Variants in TRAM2 observed in about 807,000 individuals in gnomAD.
TRAM2 encodes translocation associated membrane protein 2.
Under a neutral mutation model 51.0 loss-of-function variants are expected in TRAM2, and 12 were observed. That is an observed-to-expected ratio of 0.24 (90% confidence interval 0.15 to 0.38). The LOEUF is 0.38. Among genes scored for constraint, TRAM2 ranks in the 10% least tolerant of loss-of-function variants. TRAM2 has a pLI of 1.00. For synonymous variants in TRAM2, 175 were observed against 179.4 expected (o/e 0.98, Z 0.20); for missense variants, 361 against 462.0 (o/e 0.78, Z 2.00).
intron 2 of TRAM2, among the ~76,000 whole-genome samples, chr6:52,519,570 C>A (rs984476369): frequency 6.6e-6 from 1 of 152,188 alleles, no homozygotes; most frequent in African/African-American, 2.4e-5. Context: ...ACAGCCACTG[C>A]AGAAAACAGT....
intron 1 of TRAM2, among the ~76,000 whole-genome samples, chr6:52,539,594 T>C (rs1767042175): frequency 6.6e-6 from 1 of 152,204 alleles, no homozygotes; most frequent in African/African-American, 2.4e-5. Context: ...TTTATCTTTA[T>C]TTTTAAACTG....
chr6:52,557,442 G>C (rs565212624), intron 1 of TRAM2, among the ~76,000 whole-genome samples: 179 of 152,204 alleles, frequency 1.2e-3, no homozygotes, highest in African/African-American at 4.2e-3. Context: ...CACTGAAGTA[G>C]GTACAAGAAT....
chr6:52,536,723 C>T (rs575315424), intron 1 of TRAM2, among the ~76,000 whole-genome samples: 2 of 152,288 alleles, frequency 1.3e-5, no homozygotes, highest in East Asian at 3.9e-4. Flanking sequence ...GGCCCAGCTG[C>T]TAGCGTTGTT....
intron 1 of TRAM2, among the ~76,000 whole-genome samples, chr6:52,569,381 C>T (rs1767640865): frequency 1.1e-5 from 1 of 92,892 alleles, no homozygotes; most frequent in African/African-American, 4.3e-5. Flanking sequence ...CAAAGCAAGA[C>T]TCCATTTAAA....
At chr6:52,513,850 G>A (rs573327790) in intron 4 of TRAM2, among the ~76,000 whole-genome samples, 2 of 152,360 alleles carry the variant, frequency 1.3e-5, no homozygotes, top group South Asian at 4.1e-4. Context: ...ATGGATTGGG[G>A]TGGGAGGGTA....
chr6:52,509,582 C>T lies in TRAM2; in HGVS notation c.416G>A (p.Gly139Glu). The change falls in exon 5 of 11, where the codon GGA becomes GAA. Residue 139 changes from glycine to glutamate, a missense_variant. Coordinates refer to ENST00000182527, the MANE Select transcript of TRAM2 (RefSeq NM_012288.4). ...GAGGCTTCTTGGGTTTGTTAAGTATCCTTCCTGCAGTGGGCAAGAAGAGAG... is the reference window on the plus strand; with the variant it reads ...GAGGCTTCTTGGGTTTGTTAAGTATTCTTCCTGCAGTGGGCAAGAAGAGAG... ...IWCFYVVVTEGYLTNPRSLWE... is the reference protein window; with the variant it reads ...IWCFYVVVTEEYLTNPRSLWE... The T allele has an allele frequency of 1.2e-6, 2 of 1,613,978 alleles. No individual in the cohort carries two copies. The highest frequency in any genetic ancestry group is 1.7e-6 in the Non-Finnish European group (2 of 1,179,940).
At chr6:52,519,734 C>T (rs760320015) in intron 2 of TRAM2, among the ~76,000 whole-genome samples, 7 of 151,650 alleles carry the variant, frequency 4.6e-5, no homozygotes, top group African/African-American at 1.2e-4. Context: ...AAGATGGAAG[C>T]GACGCAGGTG....
At chr6:52,565,093 T>C (rs1767567268) in intron 1 of TRAM2, among the ~76,000 whole-genome samples, 1 of 151,688 alleles carries the variant, frequency 6.6e-6, no homozygotes, top group African/African-American at 2.4e-5. Context: ...GCTGATCAGA[T>C]TGTGGGGAAG....
chr6:52,554,737 A>G (rs1032999027), intron 1 of TRAM2, among the ~76,000 whole-genome samples: 2 of 151,214 alleles, frequency 1.3e-5, no homozygotes, highest in Non-Finnish European at 2.9e-5. Flanking sequence ...TCTAGAAGTA[A>G]GAAGTTACAT....
intron 5 of TRAM2, 41 bp downstream of exon 5, chr6:52,509,487 C>T: frequency 6.2e-7 from 1 of 1,604,818 alleles, no homozygotes; most frequent in Non-Finnish European, 8.5e-7. Context: ...GGCAGTGGGC[C>T]CGGTCGCTCC....
In TRAM2 at chr6:52,558,270, G is replaced by C. The variant is rs141581645; in HGVS notation, c.120+18526C>G. 9.7e-4 allele frequency among the ~76,000 whole-genome samples: 148 copies of C among 152,250 alleles called. 1 individual carries two copies. Among genetic ancestry groups the C allele is most frequent in the African/African-American group, 3.2e-3 (133 of 41,558 alleles). On this transcript the variant is annotated intron_variant, in intron 1 of 10. Coordinates refer to ENST00000182527, the MANE Select transcript of TRAM2 (RefSeq NM_012288.4). ...GCCAAACCGGATGCCAGAAGAGAAGGAGCCCGGGAGCACCAGGTGGGAGCA... is the reference window on the plus strand; with the variant it reads ...GCCAAACCGGATGCCAGAAGAGAAGCAGCCCGGGAGCACCAGGTGGGAGCA...
chr6:52,573,002 G>C (rs772407968), intron 1 of TRAM2, among the ~76,000 whole-genome samples: 1 of 152,066 alleles, frequency 6.6e-6, no homozygotes, highest in Non-Finnish European at 1.5e-5. Flanking sequence ...AGACCAAAAA[G>C]AAACCAAACC....
chr6:52,548,544 G>T (rs891169207), intron 1 of TRAM2, among the ~76,000 whole-genome samples: 7 of 152,202 alleles, frequency 4.6e-5, no homozygotes, highest in African/African-American at 9.7e-5. Flanking sequence ...TTACAGAAAT[G>T]ATCTCACTTA....
At chr6:52,574,648 A>T (rs1386234359) in intron 1 of TRAM2, among the ~76,000 whole-genome samples, 1 of 152,160 alleles carries the variant, frequency 6.6e-6, no homozygotes, top group Admixed American at 6.5e-5. Flanking sequence ...CCCCAATACA[A>T]GCCTAAGGGG....
At chr6:52,567,306 C>G (rs1433738378) in intron 1 of TRAM2, among the ~76,000 whole-genome samples, 1 of 152,332 alleles carries the variant, frequency 6.6e-6, no homozygotes, top group South Asian at 2.1e-4. Flanking sequence ...GGAAGAGTAG[C>G]TGAGAAGTGT....
chr6:52,554,386 G>A (rs1047600376), intron 1 of TRAM2, among the ~76,000 whole-genome samples: 9 of 151,998 alleles, frequency 5.9e-5, no homozygotes, highest in Admixed American at 3.9e-4. Context: ...TAGGCGTGGT[G>A]GTGCGTGTCT....
chr6:52,504,082 G>C (rs765135108), intron 10 of TRAM2, among the ~76,000 whole-genome samples: 1 of 152,192 alleles, frequency 6.6e-6, no homozygotes, highest in Non-Finnish European at 1.5e-5. Flanking sequence ...ACTGGAGTGC[G>C]TGCACGGGCC....
rs377332281 is a variant in TRAM2 at position 52,516,606 on chromosome 6, A to T, written c.294+22T>A. 8.1e-6 allele frequency: 13 copies of T among 1,601,998 alleles called. 1 individual carries two copies. The African/African-American group carries it at 1.6e-4, about 20-fold the overall frequency. On this transcript the variant is annotated intron_variant, in intron 3 of 10. Coordinates refer to ENST00000182527, the MANE Select transcript of TRAM2 (RefSeq NM_012288.4). ...AGGCACCTCCCCAGCTTCTGATCTC[A>T]GAATCCAGACATGTCACTTACATCT...
At chr6:52,541,800 T>A (rs1295552151) in intron 1 of TRAM2, among the ~76,000 whole-genome samples, 1 of 94,348 alleles carries the variant, frequency 1.1e-5, no homozygotes, top group Non-Finnish European at 2.1e-5. Flanking sequence ...TTCAGTTTAT[T>A]CTGTTTTTTT....
Sources: allele counts gnomAD v4.1 joint callset (sites outside exome capture counted in the v4.1 genomes callset), GRCh38; gene constraint gnomAD v4.1.1; transcripts MANE v1.5; gene names NCBI Gene and HGNC (gene_info 2026-07-23, HGNC 2026-07-21).